Variants in KALRN observed in about 807,000 individuals in gnomAD.
KALRN encodes the protein kalirin RhoGEF kinase.
Under a neutral mutation model 353.7 loss-of-function variants are expected in KALRN, and 70 were observed. That is an observed-to-expected ratio of 0.20 (90% CI 0.16 to 0.24). The LOEUF is 0.24. Ranked by LOEUF, KALRN falls within the 10% of genes least tolerant of loss-of-function variation. The pLI is 1.00. For missense variants in KALRN, 2,791 were observed against 3,756.7 expected, an observed-to-expected ratio of 0.74 and a Z score of 6.72; for synonymous variants, 1,391 against 1,434.8, an observed-to-expected ratio of 0.97 and a Z score of 0.69.
chr3:124,151,512 A>G (rs1256111806), intron 1 of KALRN, among the ~76,000 whole-genome samples: 2 of 152,070 alleles, frequency 1.3e-5, no homozygotes, highest in East Asian at 1.9e-4. Flanking sequence ...GTGAATCTTC[A>G]TGTCTTTTGC....
intron 38 of KALRN, among the ~76,000 whole-genome samples, chr3:124,654,059 G>A (rs979273344): frequency 2.0e-5 from 3 of 152,154 alleles, no homozygotes; most frequent in African/African-American, 4.8e-5. Context: ...TAAAAATATC[G>A]CCTGGAGACA....
At chr3:124,336,930 GCTCT>G (rs1005350952) in intron 9 of KALRN, among the ~76,000 whole-genome samples, 4 of 151,906 alleles carry the variant, frequency 2.6e-5, no homozygotes, top group Admixed American at 6.6e-5. Flanking sequence ...TCATGATTTG[GCTCT>G]CTATTATTGG....
intron 3 of KALRN, among the ~76,000 whole-genome samples, chr3:124,248,197 C>G (rs1289894294): frequency 1.3e-5 from 2 of 152,204 alleles, no homozygotes; most frequent in Admixed American, 6.5e-5. Context: ...CACCACCTTG[C>G]AAACTGGCTG....
chr3:124,554,550 T>C (rs867205086), intron 33 of KALRN, among the ~76,000 whole-genome samples: 2 of 152,244 alleles, frequency 1.3e-5, no homozygotes, highest in South Asian at 2.1e-4. Context: ...CTTGTTCTTT[T>C]TTCATGGATA....
chr3:124,298,659 A>C, intron 5 of KALRN, 132 bp from the exon 6 acceptor site: 1 of 1,058,042 alleles, frequency 9.5e-7, no homozygotes, highest in Non-Finnish European at 1.4e-6. Flanking sequence ...TAAGACCCCG[A>C]GACTCAGAAC....
At chr3:124,532,495 A>G (rs1012955036) in intron 33 of KALRN, among the ~76,000 whole-genome samples, 2 of 152,208 alleles carry the variant, frequency 1.3e-5, no homozygotes, top group Non-Finnish European at 2.9e-5. Flanking sequence ...GTGTTAGCCC[A>G]ATCATCTCTT....
At chr3:124,671,052 G>A (rs1012024751) in intron 47 of KALRN, among the ~76,000 whole-genome samples, 12 of 152,230 alleles carry the variant, frequency 7.9e-5, no homozygotes, top group Non-Finnish European at 1.6e-4. Context: ...TGTGGCTTCT[G>A]AATTAGACAA....
intron 58 of KALRN, among the ~76,000 whole-genome samples, chr3:124,713,565 C>T (rs1459238475): frequency 6.6e-6 from 1 of 152,140 alleles, no homozygotes; most frequent in Non-Finnish European, 1.5e-5. Context: ...CAAAAAAATT[C>T]CTTCCAGGGG....
At chr3:124,179,739 A>G (rs907732458) in intron 1 of KALRN, among the ~76,000 whole-genome samples, 1 of 152,186 alleles carries the variant, frequency 6.6e-6, no homozygotes, top group Non-Finnish European at 1.5e-5. Context: ...CTCCATCATA[A>G]TCTTATGGGA....
chr3:124,047,746 G>T (rs1444067311), intron 1 of KALRN, among the ~76,000 whole-genome samples: 1 of 150,780 alleles, frequency 6.6e-6, no homozygotes, highest in African/African-American at 2.4e-5. Context: ...CTCATGATCC[G>T]CCTGCCTTGG....
At chr3:124,689,983 A>T (rs1392480410) in intron 51 of KALRN, among the ~76,000 whole-genome samples, 3 of 152,196 alleles carry the variant, frequency 2.0e-5, no homozygotes, top group Non-Finnish European at 4.4e-5. Flanking sequence ...TATTGGCTAC[A>T]TCTCAGACAT....
At position 124,719,347 on chromosome 3, in the gene KALRN, T is replaced by TAAG; in HGVS notation, c.8840_8842dup (p.Lys2947dup). ...TGCAGCCCCATAATGGCAGCTACTC[T>TAAG]AAGATCCCCCTGGACACCTCCCGCC... is the stretch of plus-strand genomic sequence containing the variant. On this transcript the variant is annotated inframe_insertion, in exon 60 of 60. Transcript: ENST00000682506. The surrounding 1 kb of genome is among the most constrained non-coding windows in gnomAD (Gnocchi z 5.3). The TAAG allele has an allele frequency of 6.2e-7, 1 of 1,614,210 alleles. No homozygotes were observed.
chr3:124,294,747 G>C (rs914819663), intron 5 of KALRN, among the ~76,000 whole-genome samples: 10 of 152,078 alleles, frequency 6.6e-5, no homozygotes, highest in Non-Finnish European at 1.3e-4. Context: ...TATTCAAAAA[G>C]ATAGAAATGT....
chr3:124,267,457 G>C (rs1287925167), intron 4 of KALRN, among the ~76,000 whole-genome samples: 3 of 152,210 alleles, frequency 2.0e-5, no homozygotes, highest in African/African-American at 7.2e-5. Context: ...GAGATTAGCA[G>C]GAGTTTGCAA....
At chr3:124,126,788 A>G (rs1433584218) in intron 1 of KALRN, among the ~76,000 whole-genome samples, 5 of 152,216 alleles carry the variant, frequency 3.3e-5, no homozygotes, top group Non-Finnish European at 2.9e-5. Flanking sequence ...ATGTTCACAG[A>G]TGAGGGAATC....
intron 1 of KALRN, among the ~76,000 whole-genome samples, chr3:124,114,344 G>A (rs576441310): frequency 3.4e-4 from 52 of 152,242 alleles, no homozygotes; most frequent in African/African-American, 1.3e-3. Flanking sequence ...AATGCCGTGG[G>A]CTCACATCTG....
intron 5 of KALRN, among the ~76,000 whole-genome samples, chr3:124,289,195 T>C (rs1253715212): frequency 2.0e-5 from 3 of 152,170 alleles, no homozygotes; most frequent in African/African-American, 7.2e-5. Flanking sequence ...GGTCCCACTT[T>C]GATGACCTCA....
At chr3:124,095,005 G>A in intron 1 of KALRN, 1 of 1,108,176 alleles carries the variant, frequency 9.0e-7, no homozygotes, top group African/African-American at 1.5e-5. Context: ...GAGGGGAGGG[G>A]GGTCAAGAAG....
chr3:124,392,090 AC>A (rs2089477791), intron 11 of KALRN, among the ~76,000 whole-genome samples: 2 of 151,452 alleles, frequency 1.3e-5, no homozygotes, highest in African/African-American at 2.4e-5. Context: ...TTGCTCTGTC[AC>A]CCAGGTGGAG....
Sources: allele counts gnomAD v4.1 joint callset (sites outside exome capture counted in the v4.1 genomes callset), GRCh38; gene constraint gnomAD v4.1.1; non-coding constraint Gnocchi (gnomAD v3.1); transcripts MANE v1.5; gene names NCBI Gene and HGNC (gene_info 2026-07-23, HGNC 2026-07-21).